The following TRAK2 variants were observed in gnomAD, a reference collection of about 807,000 sequenced individuals.
TRAK2 encodes the protein trafficking kinesin protein 2.
In TRAK2, 81 loss-of-function variants were observed where a neutral mutation model predicts 104.6. That is an observed-to-expected ratio of 0.77 (90% CI 0.65 to 0.93). TRAK2 has a LOEUF of 0.93. TRAK2 is among the 40% of genes least tolerant of loss of function. The pLI, the probability that TRAK2 is intolerant of heterozygous loss-of-function variation, is 0.00. For missense variants in TRAK2, 1,002 were observed against 1,089.0 expected (o/e 0.92, Z 1.12); for synonymous variants, 406 against 394.4 (o/e 1.03, Z -0.35).
chr2:201,396,762 T>C (rs946439991), intron 7 of TRAK2, among the ~76,000 whole-genome samples: 1 of 152,170 alleles, frequency 6.6e-6, no homozygotes. Flanking sequence ...TAGTATATAC[T>C]GCGTGGAGAT....
chr2:201,434,343 T>A (rs1951866415), intron 1 of TRAK2, among the ~76,000 whole-genome samples: 1 of 152,184 alleles, frequency 6.6e-6, no homozygotes, highest in Non-Finnish European at 1.5e-5. Context: ...TTGTGCCCAG[T>A]AATCTATCAT....
chr2:201,443,967 A>G (rs887590223), intron 1 of TRAK2, among the ~76,000 whole-genome samples: 3 of 152,116 alleles, frequency 2.0e-5, no homozygotes, highest in Admixed American at 6.5e-5. Flanking sequence ...TTGGGAGGCC[A>G]AGGTGGGCAG....
At chr2:201,404,550 C>A (rs1951577247) in intron 3 of TRAK2, among the ~76,000 whole-genome samples, 1 of 152,150 alleles carries the variant, frequency 6.6e-6, no homozygotes, top group Non-Finnish European at 1.5e-5. Context: ...TATGTTCTGT[C>A]CCTGCATAAT....
chr2:201,393,735 T>G (rs1951470544), intron 9 of TRAK2, among the ~76,000 whole-genome samples: 2 of 152,138 alleles, frequency 1.3e-5, no homozygotes, highest in African/African-American at 4.8e-5. Flanking sequence ...ATTTAAAACT[T>G]GCTCTCCGAG....
At chr2:201,397,602 G>A (rs771055118) in intron 6 of TRAK2, 22 bp from the exon 7 acceptor site, 3 of 1,495,650 alleles carry the variant, frequency 2.0e-6, no homozygotes, top group Non-Finnish European at 2.8e-6. Flanking sequence ...AAATCAGTAT[G>A]TGACAATACC....
intron 2 of TRAK2, chr2:201,413,446 G>A (rs1951665910): frequency 6.6e-6 from 3 of 453,560 alleles, no homozygotes; most frequent in Non-Finnish European, 7.8e-6. Context: ...AGGAGGGAAA[G>A]GGATAGGGAG....
At chr2:201,441,983 T>C (rs1035333314) in intron 1 of TRAK2, among the ~76,000 whole-genome samples, 5 of 149,846 alleles carry the variant, frequency 3.3e-5, no homozygotes, top group African/African-American at 1.2e-4. Flanking sequence ...TGAGCCACTG[T>C]GCCCGGCCGA....
At chr2:201,431,384 A>G (rs1395365826) in intron 1 of TRAK2, among the ~76,000 whole-genome samples, 1 of 152,220 alleles carries the variant, frequency 6.6e-6, no homozygotes, top group Non-Finnish European at 1.5e-5. Flanking sequence ...GCAAGGTGTT[A>G]GAAGAGTTAT....
At chr2:201,393,094 T>A (rs187157539) in intron 9 of TRAK2, 48 bp from the exon 10 acceptor site, 1 of 1,544,478 alleles carries the variant, frequency 6.5e-7, no homozygotes, top group Admixed American at 2.1e-5. Context: ...CAAAACAACA[T>A]TAGGGAAAAA....
chr2:201,426,895 C>T (rs1951793388), intron 1 of TRAK2, among the ~76,000 whole-genome samples: 2 of 152,192 alleles, frequency 1.3e-5, no homozygotes, highest in African/African-American at 4.8e-5. Context: ...TGGTACTGAA[C>T]ATAGTTCCAT....
In TRAK2 at chr2:201,385,060, A is replaced by G. The variant is rs57964327; in HGVS notation, c.1964-844T>C. Among the ~76,000 whole-genome samples, 4 of 152,342 alleles carry G rather than the reference A, an allele frequency of 2.6e-5. No individual in the cohort carries two copies. In the East Asian group the frequency reaches 5.8e-4, roughly 22 times the overall value. Reference sequence around the variant, plus strand: ...TGAAGTGAGCCTGTCCTTCAAGAAAAACAGCTAACAAAATGTGAGCTTTCA... The same window carrying G: ...TGAAGTGAGCCTGTCCTTCAAGAAAGACAGCTAACAAAATGTGAGCTTTCA... On this transcript the variant is annotated intron_variant, in intron 14 of 15. Coordinates refer to ENST00000332624, the MANE Select transcript of TRAK2 (RefSeq NM_015049.3).
At chr2:201,394,176 G>A (rs190165444) in intron 9 of TRAK2, among the ~76,000 whole-genome samples, 2 of 152,054 alleles carry the variant, frequency 1.3e-5, no homozygotes, top group Non-Finnish European at 2.9e-5. Flanking sequence ...TTTACTACTA[G>A]AACTTATCTT....
chr2:201,388,094 GAT>G (rs765308580), intron 12 of TRAK2, 93 bp from the exon 13 acceptor site: 3 of 1,327,124 alleles, frequency 2.3e-6, no homozygotes, highest in Non-Finnish European at 1.1e-6. Flanking sequence ...TCAAGAGACT[GAT>G]ATTAAAAACA....
chr2:201,425,050 C>T (rs1249658623), intron 1 of TRAK2, among the ~76,000 whole-genome samples: 1 of 152,168 alleles, frequency 6.6e-6, no homozygotes, highest in African/African-American at 2.4e-5. Context: ...TATTGGAATA[C>T]AGCCACACTT....
At chr2:201,435,490 C>T (rs796722670) in intron 1 of TRAK2, among the ~76,000 whole-genome samples, 1 of 152,234 alleles carries the variant, frequency 6.6e-6, no homozygotes, top group Non-Finnish European at 1.5e-5. Flanking sequence ...ATAATATTCA[C>T]ATCTAACACT....
intron 2 of TRAK2, among the ~76,000 whole-genome samples, chr2:201,409,066 A>G (rs1159885919): frequency 6.6e-6 from 1 of 152,196 alleles, no homozygotes; most frequent in East Asian, 1.9e-4. Context: ...ACTATGGTAC[A>G]GTGATAGTCC....
chr2:201,380,724 T>G lies in TRAK2; in HGVS notation c.2564A>C (p.Asn855Thr). ...AATTTCTGCCTCCTGGCATCTTCCA[T>G]TCTCTTGGGCACCAGGGTTCTTGAC... is the stretch of plus-strand genomic sequence containing the variant. ...RVVKNPGAQE[N>T]GRCQEAEIGP... is the part of the protein sequence containing the mutation. Residue 855 changes from asparagine to threonine, a missense_variant, in exon 16 of 16, where the codon AAT (asparagine) becomes ACT (threonine). Asn to Thr is a moderately conservative substitution (Grantham distance 65). Transcript: ENST00000332624. 6.2e-7 allele frequency: 1 copy of G among 1,614,082 alleles called. No homozygotes were observed. Among genetic ancestry groups the G allele is most frequent in the Non-Finnish European group, 8.5e-7 (1 of 1,179,980 alleles).
At chr2:201,402,179 C>A (rs1217118011) in intron 3 of TRAK2, among the ~76,000 whole-genome samples, 1 of 152,042 alleles carries the variant, frequency 6.6e-6, no homozygotes, top group African/African-American at 2.4e-5. Flanking sequence ...AGTTACTACT[C>A]CTTAAACAGA....
intron 1 of TRAK2, among the ~76,000 whole-genome samples, chr2:201,450,754 G>C (rs1952024177): frequency 6.6e-6 from 1 of 150,594 alleles, no homozygotes; most frequent in Non-Finnish European, 1.5e-5. Flanking sequence ...GCAAGAGCAA[G>C]TAACATCCCT....
Sources: allele counts gnomAD v4.1 joint callset (sites outside exome capture counted in the v4.1 genomes callset), GRCh38; gene constraint gnomAD v4.1.1; transcripts MANE v1.5; gene names NCBI Gene and HGNC (gene_info 2026-07-23, HGNC 2026-07-21).